PCDHGA10: variants seen among roughly 807,000 people sequenced by gnomAD.
The protein encoded by PCDHGA10 is protocadherin gamma-A10.
A neutral mutation model predicts 59.5 loss-of-function variants in PCDHGA10; 42 were observed. The observed-to-expected ratio is 0.71, with a 90% CI of 0.55 to 0.91. The LOEUF is 0.91. Among genes scored for constraint, PCDHGA10 ranks in the 40% least tolerant of loss-of-function variants. PCDHGA10 has a pLI of 0.00. For synonymous variants in PCDHGA10, 511 were observed against 517.2 expected, an observed-to-expected ratio of 0.99 and a Z score of 0.16; for missense variants, 1,111 against 1,198.2, an observed-to-expected ratio of 0.93 and a Z score of 1.07.
intron 1 of PCDHGA10, chr5:141,478,700 C>A: frequency 1.3e-6 from 2 of 1,549,172 alleles, no homozygotes; most frequent in Non-Finnish European, 1.7e-6. Flanking sequence ...AAAGTTAGTG[C>A]CTTTGTGAGA....
At chr5:141,433,295 G>A (rs754784548) in intron 1 of PCDHGA10, 22 of 1,044,006 alleles carry the variant, frequency 2.1e-5, no homozygotes, top group Non-Finnish European at 2.9e-5. Flanking sequence ...CTAGGCTCAA[G>A]CAATTATCCC....
intron 3 of PCDHGA10, 110 bp from the exon 4 acceptor site, chr5:141,510,837 G>A (rs969654751): frequency 1.3e-6 from 2 of 1,586,392 alleles, no homozygotes; most frequent in Non-Finnish European, 8.6e-7. Context: ...GCTCAGCGTG[G>A]TCAAGGCCCA....
In PCDHGA10 at chr5:141,490,996, G is replaced by A; in HGVS notation, c.2437-3811G>A. ...GCGTCTCCCTCGCTCTGCTCCTCCT[G>A]GCTCCTTGGTCACCAAGGTGACAGC... is the stretch of plus-strand genomic sequence containing the variant. On this transcript the variant is annotated intron_variant, in intron 1 of 3. Transcript: ENST00000398610. This position sits in a 1 kb window ranked among gnomAD's most constrained non-coding sequence, Gnocchi z 5.4. The A allele has an allele frequency of 6.2e-7, 1 of 1,614,090 alleles. No individual in the cohort carries two copies. The highest frequency in any genetic ancestry group is 8.5e-7 in the Non-Finnish European group (1 of 1,180,028).
rs2099610288 is a variant in PCDHGA10, at chr5:141,485,252, G to A, written c.2437-9555G>A. ...GTTCCTCTTTTACCACCTGGGTTAC[G>A]TTTGTGGGCAGATCCGCTACCCGGT... On this transcript the variant is annotated intron_variant, in intron 1 of 3. Coordinates refer to ENST00000398610, the MANE Select transcript of PCDHGA10 (RefSeq NM_018913.3). This position sits in a 1 kb window ranked among gnomAD's most constrained non-coding sequence, Gnocchi z 5.7. 6.2e-7 allele frequency: 1 copy of A among 1,614,042 alleles called. No individual in the cohort carries two copies. The highest frequency in any genetic ancestry group is 1.7e-5 in the Admixed American group (1 of 60,008).
At chr5:141,435,644 T>A (rs913195454) in intron 1 of PCDHGA10, among the ~76,000 whole-genome samples, 1 of 152,170 alleles carries the variant, frequency 6.6e-6, no homozygotes, top group Non-Finnish European at 1.5e-5. Flanking sequence ...TGGGAAAATT[T>A]CTGAAACGTG....
chr5:141,422,874 G>C (rs763219526), intron 1 of PCDHGA10: 56 of 1,614,134 alleles, frequency 3.5e-5, no homozygotes, highest in Non-Finnish European at 1.0e-5. Flanking sequence ...ACGTGTCGCT[G>C]AGCCTGTTCG....
rs2099621975 is a variant in PCDHGA10 at position 141,485,946 on chromosome 5, G to A, written c.2437-8861G>A. ...AGTGTGTTGGAGAGCGCACCAGCGG[G>A]CATGGTGCTCATCCAGCTCAATGCC... On this transcript the variant is annotated intron_variant, in intron 1 of 3. Transcript: ENST00000398610. This position sits in a 1 kb window ranked among gnomAD's most constrained non-coding sequence, Gnocchi z 5.7. The A allele has an allele frequency of 1.2e-6, 2 of 1,614,040 alleles. No homozygotes were observed. The highest frequency in any genetic ancestry group is 2.2e-5 in the East Asian group (1 of 44,884).
At position 141,476,304 on chromosome 5, in the gene PCDHGA10, C is replaced by T. The variant is rs769790423; in HGVS notation, c.2437-18503C>T. On this transcript the variant is annotated intron_variant, in intron 1 of 3. Coordinates refer to ENST00000398610, the MANE Select transcript of PCDHGA10 (RefSeq NM_018913.3). The surrounding 1 kb of genome is among the most constrained non-coding windows in gnomAD (Gnocchi z 7.6). Reference sequence around the variant, plus strand: ...GGTTTGGATCTCGGTAGCCTCTCAGCCCGCAGGTTCCGGGTGGTGTCTGGA... The same window carrying T: ...GGTTTGGATCTCGGTAGCCTCTCAGTCCGCAGGTTCCGGGTGGTGTCTGGA... The T allele has an allele frequency of 6.2e-7, 1 of 1,613,746 alleles. No individual in the cohort carries two copies. Among genetic ancestry groups the T allele is most frequent in the Admixed American group, 1.7e-5 (1 of 59,988 alleles).
In PCDHGA10 at chr5:141,477,486, C is replaced by T. The variant is rs1472326209; in HGVS notation, c.2437-17321C>T. On this transcript the variant is annotated intron_variant, in intron 1 of 3. Coordinates refer to ENST00000398610, the MANE Select transcript of PCDHGA10 (RefSeq NM_018913.3). This position sits in a 1 kb window ranked among gnomAD's most constrained non-coding sequence, Gnocchi z 4.9. ...GACATCAATGACAACCCTCCACAATCTTCTCAATCTTCCTACGACGTTTAC... is the reference window on the plus strand; with the variant it reads ...GACATCAATGACAACCCTCCACAATTTTCTCAATCTTCCTACGACGTTTAC... 6.2e-7 allele frequency: 1 copy of T among 1,614,052 alleles called. No individual in the cohort carries two copies. The highest frequency in any genetic ancestry group is 1.3e-5 in the African/African-American group (1 of 74,914).
chr5:141,469,676 A>G (rs1227075639), intron 1 of PCDHGA10, among the ~76,000 whole-genome samples: 1 of 152,250 alleles, frequency 6.6e-6, no homozygotes, highest in African/African-American at 2.4e-5. Context: ...ATAAAACTAC[A>G]TATGCATTGG....
intron 3 of PCDHGA10, 31 bp downstream of exon 3, chr5:141,505,512 T>C (rs754223095): frequency 6.2e-7 from 1 of 1,613,676 alleles, no homozygotes; most frequent in South Asian, 1.1e-5. Context: ...TATGGAAGAG[T>C]GGGAGACCTG....
chr5:141,499,599 C>G (rs2099792919), intron 2 of PCDHGA10, among the ~76,000 whole-genome samples: 2 of 152,102 alleles, frequency 1.3e-5, no homozygotes, highest in South Asian at 4.1e-4. Context: ...TCACCTATAT[C>G]CCTACCCTTA....
Position 141,433,071 on chromosome 5 carries a change from C to T in PCDHGA10, c.2436+17460C>T, listed in dbSNP as rs2097566106. On this transcript the variant is annotated intron_variant, in intron 1 of 3. Transcript: ENST00000398610. ...TCGCGGAAGAGTCACCTGATCTTCC[C>T]CCAGCCCAACTATGCAGACATGCTC... 2.5e-6 allele frequency: 4 copies of T among 1,614,154 alleles called. No homozygotes were observed. The East Asian group carries it at 8.9e-5, about 36-fold the overall frequency.
At chr5:141,480,240 CAA>C (rs11374694) in intron 1 of PCDHGA10, among the ~76,000 whole-genome samples, 8 of 114,006 alleles carry the variant, frequency 7.0e-5, no homozygotes, top group Non-Finnish European at 7.5e-5. Flanking sequence ...CCTGTCTCTA[CAA>C]AAAAAAAAAA....
intron 3 of PCDHGA10, among the ~76,000 whole-genome samples, chr5:141,510,657 G>A (rs1388054630): frequency 6.6e-6 from 1 of 152,156 alleles, no homozygotes; most frequent in Non-Finnish European, 1.5e-5. Context: ...CCATTTTGCA[G>A]ATGAGAAAAC....
At chr5:141,447,642 T>G (rs1275164919) in intron 1 of PCDHGA10, among the ~76,000 whole-genome samples, 2 of 152,166 alleles carry the variant, frequency 1.3e-5, no homozygotes, top group Non-Finnish European at 2.9e-5. Flanking sequence ...TGAATGATGG[T>G]AGAATTTTCC....
chr5:141,419,216 G>C, intron 1 of PCDHGA10: 3 of 1,613,886 alleles, frequency 1.9e-6, no homozygotes, highest in Admixed American at 1.7e-5. Flanking sequence ...GCCGGTTTTC[G>C]GACAGTCAGC....
intron 1 of PCDHGA10, chr5:141,422,638 T>G (rs1412270971): frequency 6.2e-7 from 1 of 1,612,392 alleles, no homozygotes. Context: ...CAGGGGTGCC[T>G]CCATCTTCTC....
chr5:141,424,434 T>C (rs2096821185), intron 1 of PCDHGA10: 1 of 151,048 alleles, frequency 6.6e-6, no homozygotes, highest in Admixed American at 6.6e-5. Flanking sequence ...GAGGAAATAA[T>C]TGAATTATTG....
Sources: allele counts gnomAD v4.1 joint callset (sites outside exome capture counted in the v4.1 genomes callset), GRCh38; gene constraint gnomAD v4.1.1; non-coding constraint Gnocchi (gnomAD v3.1); transcripts MANE v1.5; gene names NCBI Gene and HGNC (gene_info 2026-07-23, HGNC 2026-07-21).